Variants in ARSB observed in about 807,000 individuals in gnomAD.
The protein encoded by ARSB is N-acetylgalactosamine-4-sulfatase.
Under a neutral mutation model 50.9 loss-of-function variants are expected in ARSB, and 41 were observed. The ratio of observed to expected loss-of-function variants is 0.81; its 90% CI spans 0.63 to 1.04. The LOEUF (loss-of-function observed/expected upper bound fraction) is 1.04. Ranked by LOEUF, ARSB falls within the 50% of genes least tolerant of loss-of-function variation. ARSB has a pLI of 0.00. For missense variants in ARSB, 672 were observed against 693.3 expected (o/e 0.97, Z 0.35); for synonymous variants, 269 against 284.8 (o/e 0.94, Z 0.56).
chr5:78,935,450 C>T (rs1580084792), intron 4 of ARSB, among the ~76,000 whole-genome samples: 1 of 152,194 alleles, frequency 6.6e-6, no homozygotes, highest in Non-Finnish European at 1.5e-5. Context: ...CATAGTCAGC[C>T]TCATTCCCTA....
chr5:78,949,841 C>T (rs2112466915), intron 4 of ARSB, among the ~76,000 whole-genome samples: 1 of 152,188 alleles, frequency 6.6e-6, no homozygotes, highest in East Asian at 1.9e-4. Flanking sequence ...ACCCGGGAGG[C>T]AGTGATTGCA....
At chr5:78,944,753 C>T (rs1415553162) in intron 4 of ARSB, among the ~76,000 whole-genome samples, 8 of 152,168 alleles carry the variant, frequency 5.3e-5, no homozygotes, top group African/African-American at 1.9e-4. Flanking sequence ...GCAGTCTGTC[C>T]GTTCTCAGAT....
chr5:78,847,289 G>C (rs1035749409), intron 5 of ARSB, among the ~76,000 whole-genome samples: 1 of 151,976 alleles, frequency 6.6e-6, no homozygotes, highest in Non-Finnish European at 1.5e-5. Context: ...ACCATGCCTG[G>C]CTAATTTTTA....
At chr5:78,852,614 A>T (rs1185589521) in intron 5 of ARSB, among the ~76,000 whole-genome samples, 24 of 152,144 alleles carry the variant, frequency 1.6e-4, no homozygotes, top group Admixed American at 1.6e-3. Context: ...GCCTTGCTAG[A>T]TTGGGGAAGT....
chr5:78,939,820 T>C (rs2112427796), intron 4 of ARSB, among the ~76,000 whole-genome samples: 1 of 152,282 alleles, frequency 6.6e-6, no homozygotes, highest in South Asian at 2.1e-4. Flanking sequence ...CTGGGTCAAA[T>C]GGTATTTCTA....
At chr5:78,943,283 T>C (rs1751030579) in intron 4 of ARSB, among the ~76,000 whole-genome samples, 1 of 152,224 alleles carries the variant, frequency 6.6e-6, no homozygotes, top group Non-Finnish European at 1.5e-5. Context: ...CATTTACATT[T>C]AAGGTTCATA....
At chr5:78,912,120 A>T (rs1336412011) in intron 4 of ARSB, among the ~76,000 whole-genome samples, 1 of 152,212 alleles carries the variant, frequency 6.6e-6, no homozygotes. Flanking sequence ...AACTACCTCT[A>T]ATGTAAACAG....
intron 6 of ARSB, among the ~76,000 whole-genome samples, chr5:78,798,585 C>T (rs577485280): frequency 6.6e-6 from 1 of 152,298 alleles, no homozygotes; most frequent in East Asian, 1.9e-4. Flanking sequence ...TGAGCTCACC[C>T]TGTGTTGTAC....
chr5:78,976,203 T>C (rs1752653878), intron 1 of ARSB, among the ~76,000 whole-genome samples: 1 of 151,882 alleles, frequency 6.6e-6, no homozygotes, highest in Non-Finnish European at 1.5e-5. Context: ...CTCATCTACA[T>C]GTTTATATTT....
intron 4 of ARSB, among the ~76,000 whole-genome samples, chr5:78,890,859 T>C (rs866294369): frequency 4.1e-4 from 62 of 152,208 alleles, no homozygotes; most frequent in Middle Eastern, 3.2e-3. Flanking sequence ...TTGGCTCCCT[T>C]GCCTAAAGTG....
chr5:78,905,363 A>ATTTTTTTT (rs1749015491), intron 4 of ARSB, among the ~76,000 whole-genome samples: 2 of 29,218 alleles, frequency 6.8e-5, no homozygotes, highest in Admixed American at 7.8e-4. Flanking sequence ...TTTTTGTATA[A>ATTTTTTTT]TGAGTAATTT....
intron 3 of ARSB, among the ~76,000 whole-genome samples, chr5:78,960,809 C>T (rs560728365): frequency 4.6e-5 from 7 of 152,104 alleles, no homozygotes; most frequent in Non-Finnish European, 1.0e-4. Context: ...ACAATCCACC[C>T]GCCTCGGCCT....
rs1291518906 is a variant in ARSB, at chr5:78,815,473, A to G, written c.1213+23883T>C. The G allele has an allele frequency of 1.6e-5, 15 of 922,998 alleles. No homozygotes were observed. The South Asian group carries it at 2.0e-4, about 12-fold the overall frequency. 57.2% of individuals were successfully genotyped at this position (922,998 alleles called of 1,614,324 possible). ...CTGTGCCAGAAAGTGTGACTTGGCA[A>G]ATGGAGGACAGGCTGTGCCCCTGTG... is the stretch of plus-strand genomic sequence containing the variant. On this transcript the variant is annotated intron_variant, in intron 6 of 7. Coordinates refer to ENST00000264914, the MANE Select transcript of ARSB (RefSeq NM_000046.5).
intron 6 of ARSB, among the ~76,000 whole-genome samples, chr5:78,784,307 T>A (rs1365015969): frequency 6.6e-6 from 1 of 152,182 alleles, no homozygotes; most frequent in Non-Finnish European, 1.5e-5. Flanking sequence ...AGTGCAGTAA[T>A]CCCACCACTA....
intron 6 of ARSB, among the ~76,000 whole-genome samples, chr5:78,814,662 T>A (rs940970236): frequency 1.3e-5 from 2 of 150,838 alleles, no homozygotes; most frequent in African/African-American, 4.9e-5. Context: ...TGGGTGTTGT[T>A]CGTTATCTTT....
At chr5:78,782,982 T>C (rs1239462739) in intron 6 of ARSB, among the ~76,000 whole-genome samples, 1 of 152,098 alleles carries the variant, frequency 6.6e-6, no homozygotes, top group African/African-American at 2.4e-5. Flanking sequence ...TTCCTTTGCC[T>C]GATTATGAAA....
At chr5:78,848,017 C>T (rs1030833105) in intron 5 of ARSB, among the ~76,000 whole-genome samples, 11 of 151,180 alleles carry the variant, frequency 7.3e-5, no homozygotes, top group Admixed American at 2.0e-4. Context: ...TTAATTTCAT[C>T]GATCTTTTGT....
At chr5:78,885,453 A>G in intron 5 of ARSB, 131 bp downstream of exon 5, 5 of 1,362,820 alleles carry the variant, frequency 3.7e-6, no homozygotes, top group Non-Finnish European at 5.0e-6. Flanking sequence ...AAAGGCACTT[A>G]TTTTTCTTAA....
intron 5 of ARSB, among the ~76,000 whole-genome samples, chr5:78,871,949 T>A (rs1243714605): frequency 3.3e-5 from 5 of 150,968 alleles, no homozygotes; most frequent in Admixed American, 1.3e-4. Context: ...GAATCTACAA[T>A]GAACTCAAAC....
Sources: allele counts gnomAD v4.1 joint callset (sites outside exome capture counted in the v4.1 genomes callset), GRCh38; gene constraint gnomAD v4.1.1; transcripts MANE v1.5; gene names NCBI Gene and HGNC (gene_info 2026-07-23, HGNC 2026-07-21).